The following FMNL2 variants were observed in gnomAD, a reference collection of about 807,000 sequenced individuals.
The protein encoded by FMNL2 is formin-like protein 2.
Under a neutral mutation model 130.2 loss-of-function variants are expected in FMNL2, and 51 were observed. That is an observed-to-expected ratio of 0.39 (90% CI 0.31 to 0.49). The LOEUF (loss-of-function observed/expected upper bound fraction) is 0.49, where lower values mean the gene tolerates loss of function less well. FMNL2 is among the 20% of genes least tolerant of loss of function. The pLI is 0.85. For synonymous variants in FMNL2, 465 were observed against 467.1 expected (o/e 1.00, Z 0.06); for missense variants, 977 against 1,316.2 (o/e 0.74, Z 3.99).
At position 152,640,872 on chromosome 2, in the gene FMNL2, G is replaced by A; in HGVS notation, c.3127G>A (p.Val1043Ile). Residue 1043 changes from valine to isoleucine, a missense_variant, in exon 25 of 26, where the codon GTA becomes ATA. Physicochemically the swap from Val to Ile is conservative, Grantham distance 29. Around this residue, in one of 4 missense-constraint regions of FMNL2, gnomAD observed 168 missense variants for 168.8 expected, o/e 1.00. Coordinates refer to ENST00000288670, the MANE Select transcript of FMNL2 (RefSeq NM_052905.4). ...RRRQVKDNRH[V>I]YEGKDGAIED... ...ACGACAAGTTAAAGATAACAGACAT[G>A]TATATGAGGGAAAAGATGGTGCCAT... The A allele has an allele frequency of 6.2e-7, 1 of 1,613,846 alleles. No homozygotes were observed. Among genetic ancestry groups the A allele is most frequent in the South Asian group, 1.1e-5 (1 of 91,084 alleles).
intron 24 of FMNL2, 54 bp from the exon 25 acceptor site, chr2:152,640,737 A>G (rs1683012056): frequency 1.3e-6 from 2 of 1,575,342 alleles, no homozygotes; most frequent in Non-Finnish European, 1.7e-6. Flanking sequence ...TTGGATTTTC[A>G]CAAACTCCTA....
chr2:152,591,566 G>A (rs558202567), intron 9 of FMNL2, among the ~76,000 whole-genome samples: 1 of 152,350 alleles, frequency 6.6e-6, no homozygotes, highest in South Asian at 2.1e-4. Context: ...AGCGCCCTGG[G>A]ACACCAAGGT....
chr2:152,560,161 C>CT (rs201288912), intron 5 of FMNL2, among the ~76,000 whole-genome samples: 4,873 of 138,248 alleles, frequency 0.035, 371 homozygotes, highest in Admixed American at 0.19. Flanking sequence ...AATACAATTT[C>CT]TTTTTTTTTT....
intron 15 of FMNL2, 47 bp from the exon 16 acceptor site, chr2:152,625,391 G>A (rs1413146378): frequency 1.7e-5 from 26 of 1,574,680 alleles, no homozygotes; most frequent in Admixed American, 5.1e-5. Context: ...CCTGAGGGTC[G>A]TAGGCTTTTG....
intron 4 of FMNL2, among the ~76,000 whole-genome samples, chr2:152,555,440 T>G (rs1337904436): frequency 6.6e-6 from 1 of 152,212 alleles, no homozygotes; most frequent in African/African-American, 2.4e-5. Context: ...CTTTCTGTTG[T>G]GCAACTTTGG....
At position 152,626,734 on chromosome 2, in the gene FMNL2, T is replaced by C; in HGVS notation, c.2165+7T>C. 6.3e-7 allele frequency: 1 copy of C among 1,598,482 alleles called. No individual in the cohort carries two copies. Among genetic ancestry groups the C allele is most frequent in the Non-Finnish European group, 8.5e-7 (1 of 1,172,380 alleles). On this transcript the variant is annotated splice_region_variant and intron_variant, in intron 17 of 25. Coordinates refer to ENST00000288670, the MANE Select transcript of FMNL2 (RefSeq NM_052905.4). ...TATGTAAAGCTATTCATGTGTAAGT[T>C]CAGGAAAATTATATTCTAGTTAGTT...
intron 1 of FMNL2, among the ~76,000 whole-genome samples, chr2:152,425,466 A>C (rs1008888429): frequency 6.6e-6 from 1 of 152,240 alleles, no homozygotes. Context: ...TGTTTATTAC[A>C]TAATCTTTTT....
intron 7 of FMNL2, among the ~76,000 whole-genome samples, chr2:152,576,047 G>A (rs2105696086): frequency 6.6e-6 from 1 of 152,270 alleles, no homozygotes; most frequent in East Asian, 1.9e-4. Context: ...GGTCAGCAAA[G>A]CAGGGGTACA....
At chr2:152,630,280 A>T in intron 20 of FMNL2, among the ~76,000 whole-genome samples, 1 of 152,190 alleles carries the variant, frequency 6.6e-6, no homozygotes, top group Non-Finnish European at 1.5e-5. Context: ...CCCAAGAAAG[A>T]TTTGTGTTTA....
In FMNL2 at chr2:152,355,910, A is replaced by C. The variant is rs1385604629; in HGVS notation, c.117+20190A>C. Among the ~76,000 whole-genome samples, 3 of 152,362 alleles carry C rather than the reference A, an allele frequency of 2.0e-5. No homozygotes were observed. In the East Asian group the frequency reaches 5.8e-4, roughly 29 times the overall value. ...TACATACCCAAATAAATAAAATGTT[A>C]CAGACACAGTCCAAGCTCGTTCTCT... is the stretch of plus-strand genomic sequence containing the variant. On this transcript the variant is annotated intron_variant, in intron 1 of 25. Coordinates refer to ENST00000288670, the MANE Select transcript of FMNL2 (RefSeq NM_052905.4).
Position 152,499,338 on chromosome 2 carries a change from C to T in FMNL2, c.118-22605C>T, listed in dbSNP as rs75858899. On this transcript the variant is annotated intron_variant, in intron 1 of 25. Transcript: ENST00000288670. ...ATGTTCCTGATGATGGTCAAAAGTC[C>T]TGAGAGTTCCAGCCTTGAGGCCTGG... Among the ~76,000 whole-genome samples, 807 of 152,286 alleles carry T rather than the reference C, an allele frequency of 5.3e-3. 15 individuals carry two copies. Among genetic ancestry groups the T allele is most frequent in the African/African-American group, 0.019 (777 of 41,542 alleles).
At chr2:152,577,537 G>C (rs1308665050) in intron 7 of FMNL2, among the ~76,000 whole-genome samples, 1 of 152,148 alleles carries the variant, frequency 6.6e-6, no homozygotes, top group East Asian at 1.9e-4. Flanking sequence ...GGTAGACTGA[G>C]AAGTAAAGAA....
At chr2:152,407,802 T>C (rs1276120597) in intron 1 of FMNL2, among the ~76,000 whole-genome samples, 4 of 152,096 alleles carry the variant, frequency 2.6e-5, no homozygotes, top group Admixed American at 2.0e-4. Flanking sequence ...CAGGGAGAAA[T>C]GGATTTTCTA....
At chr2:152,591,277 A>G (rs548446303) in intron 9 of FMNL2, among the ~76,000 whole-genome samples, 114 of 152,048 alleles carry the variant, frequency 7.5e-4, no homozygotes, top group African/African-American at 2.7e-3. Context: ...CCAAAGTGCT[A>G]GGATTACAGG....
intron 21 of FMNL2, among the ~76,000 whole-genome samples, chr2:152,634,503 A>G (rs1294600463): frequency 6.6e-6 from 1 of 152,216 alleles, no homozygotes; most frequent in African/African-American, 2.4e-5. Flanking sequence ...CATTTTTGCC[A>G]ATGAGAAATA....
At chr2:152,506,541 T>C (rs1579835865) in intron 1 of FMNL2, among the ~76,000 whole-genome samples, 2 of 152,316 alleles carry the variant, frequency 1.3e-5, no homozygotes, top group Admixed American at 1.3e-4. Flanking sequence ...TTTTCAAATA[T>C]TTTTGATCCA....
At chr2:152,592,714 T>C (rs1697506132) in intron 9 of FMNL2, among the ~76,000 whole-genome samples, 2 of 152,180 alleles carry the variant, frequency 1.3e-5, no homozygotes, top group African/African-American at 2.4e-5. Flanking sequence ...GGTAGGAACA[T>C]AGAGGGAGAG....
intron 6 of FMNL2, among the ~76,000 whole-genome samples, chr2:152,569,443 T>C (rs1055367261): frequency 6.6e-6 from 1 of 152,124 alleles, no homozygotes; most frequent in African/African-American, 2.4e-5. Flanking sequence ...GATAGATTCA[T>C]TGTTGAGCAT....
At chr2:152,437,451 G>A (rs1579661532) in intron 1 of FMNL2, among the ~76,000 whole-genome samples, 1 of 152,310 alleles carries the variant, frequency 6.6e-6, no homozygotes, top group Admixed American at 6.5e-5. Context: ...CAAAGCAGTG[G>A]TAGAAGAATA....
Sources: gnomAD v4.1 joint callset for allele counts (sites outside exome capture counted in the v4.1 genomes callset) on GRCh38, gnomAD v4.1.1 for gene constraint, gnomAD v4.1.1 regional missense constraint, MANE v1.5 for transcripts, NCBI Gene and HGNC (gene_info 2026-07-23, HGNC 2026-07-21) for gene names.